ACKR5: variants seen among roughly 807,000 people sequenced by gnomAD.
ACKR5 encodes the protein G protein-coupled receptor 182.
At chr12:56,994,752 G>A in the ACKR5 span, 1 of 172,264 alleles carries the variant, frequency 5.8e-6, no homozygotes, top group East Asian at 1.5e-4. Flanking sequence ...AGATTGTGTG[G>A]TGTGCGTGTG....
At chr12:56,995,076 T>C in the ACKR5 span, 1 of 745,584 alleles carries the variant, frequency 1.3e-6, no homozygotes, top group Admixed American at 2.4e-5. The surrounding 1 kb of genome is among the most constrained non-coding windows in gnomAD (Gnocchi z 4.7). Flanking sequence ...AAACTTCCCT[T>C]TCTTGCCTTA....
chr12:56,995,864 G>A, the ACKR5 span: 1 of 1,612,778 alleles, frequency 6.2e-7, no homozygotes, highest in South Asian at 1.1e-5. The surrounding 1 kb of genome is among the most constrained non-coding windows in gnomAD (Gnocchi z 4.7). Flanking sequence ...CCTGGCGGTG[G>A]CCCTGTCCAC....
the ACKR5 span, chr12:56,996,648 GA>G: frequency 2.3e-5 from 11 of 481,570 alleles, no homozygotes; most frequent in South Asian, 1.6e-4. Flanking sequence ...GAGCAATGCA[GA>G]AAAAAAGGTG....
the ACKR5 span, chr12:56,995,472 T>C: frequency 6.2e-7 from 1 of 1,614,210 alleles, no homozygotes. This position sits in a 1 kb window ranked among gnomAD's most constrained non-coding sequence, Gnocchi z 4.7. Context: ...GCAGGGCTGA[T>C]GAACCTCTAC....
chr12:56,995,954 G>C, the ACKR5 span: 245 of 1,612,218 alleles, frequency 1.5e-4, no homozygotes, highest in Non-Finnish European at 2.0e-4. The surrounding 1 kb of genome is among the most constrained non-coding windows in gnomAD (Gnocchi z 4.7). Flanking sequence ...GCGGCAGCCA[G>C]GACAACCCAA....
At chr12:56,996,497 T>C in the ACKR5 span, 1 of 1,386,568 alleles carries the variant, frequency 7.2e-7, no homozygotes, top group Admixed American at 2.4e-5. Flanking sequence ...TTTGGGGGGA[T>C]GTAGAGGGGA....
the ACKR5 span, chr12:56,996,583 C>T: frequency 1.6e-6 from 1 of 642,466 alleles, no homozygotes; most frequent in Non-Finnish European, 2.7e-6. Context: ...GGATCAGGAG[C>T]GATAGAGAGC....
the ACKR5 span, chr12:56,995,586 G>A: frequency 1.1e-5 from 18 of 1,614,066 alleles, no homozygotes; most frequent in Admixed American, 1.7e-5. The surrounding 1 kb of genome is among the most constrained non-coding windows in gnomAD (Gnocchi z 4.7). Context: ...AGCTTCTCCT[G>A]CCGCTTCACT....
At chr12:56,996,259 C>T in the ACKR5 span, 5 of 1,614,214 alleles carry the variant, frequency 3.1e-6, no homozygotes, top group Non-Finnish European at 4.2e-6. Context: ...GCACATGCGC[C>T]TCCTCTTCCT....
the ACKR5 span, chr12:56,996,441 C>T: frequency 1.9e-6 from 3 of 1,542,708 alleles, no homozygotes; most frequent in Admixed American, 2.0e-5. Context: ...GGCCAGACTC[C>T]TCCAACAGTG....
chr12:56,996,461 G>A, the ACKR5 span: 2 of 1,530,536 alleles, frequency 1.3e-6, no homozygotes, highest in African/African-American at 1.4e-5. Flanking sequence ...GAAGGAAAAG[G>A]CACAGGTGAG....
the ACKR5 span, chr12:56,995,212 G>A: frequency 5.6e-6 from 9 of 1,611,808 alleles, no homozygotes; most frequent in African/African-American, 1.3e-5. The surrounding 1 kb of genome is among the most constrained non-coding windows in gnomAD (Gnocchi z 4.7). Context: ...TGGTCCCAAT[G>A]TCAGTGAAAC....
At chr12:56,996,422 T>C in the ACKR5 span, 1 of 1,573,774 alleles carries the variant, frequency 6.4e-7, no homozygotes. Context: ...TACACCCAGC[T>C]GAGGTAGAGG....
At chr12:56,996,015 T>C in the ACKR5 span, 3 of 1,610,354 alleles carry the variant, frequency 1.9e-6, no homozygotes, top group East Asian at 4.5e-5. Flanking sequence ...GTCTTTGTCA[T>C]GTGCTGGCTG....
At chr12:56,995,698 G>GC in the ACKR5 span, 1 of 1,613,694 alleles carries the variant, frequency 6.2e-7, no homozygotes, top group Non-Finnish European at 8.5e-7. This position sits in a 1 kb window ranked among gnomAD's most constrained non-coding sequence, Gnocchi z 4.7. Flanking sequence ...CCTCCTGGCA[G>GC]CGTTACCAGC....
At chr12:56,995,638 C>T in the ACKR5 span, 1 of 1,614,114 alleles carries the variant, frequency 6.2e-7, no homozygotes, top group South Asian at 1.1e-5. This position sits in a 1 kb window ranked among gnomAD's most constrained non-coding sequence, Gnocchi z 4.7. Flanking sequence ...GCATCTTCTT[C>T]CTGGTGTGCC....
chr12:56,998,618 A>G, the ACKR5 span, among the ~76,000 whole-genome samples: 3 of 152,192 alleles, frequency 2.0e-5, no homozygotes, highest in African/African-American at 7.2e-5. Flanking sequence ...CCTCTCAGGG[A>G]TACCCCCTGA....
chr12:56,995,577 G>C, the ACKR5 span: 2 of 1,614,200 alleles, frequency 1.2e-6, no homozygotes, highest in Non-Finnish European at 1.7e-6. The surrounding 1 kb of genome is among the most constrained non-coding windows in gnomAD (Gnocchi z 4.7). Flanking sequence ...CTCTGGGGCA[G>C]CTTCTCCTGC....
At chr12:56,995,970 G>A in the ACKR5 span, 23 of 1,611,378 alleles carry the variant, frequency 1.4e-5, no homozygotes, top group Non-Finnish European at 1.6e-5. This position sits in a 1 kb window ranked among gnomAD's most constrained non-coding sequence, Gnocchi z 4.7. Context: ...CCCAAGAGCC[G>A]GCGCCACTGC....
Sources: allele counts gnomAD v4.1 joint callset (sites outside exome capture counted in the v4.1 genomes callset), GRCh38; gene constraint gnomAD v4.1.1; non-coding constraint Gnocchi (gnomAD v3.1); transcripts MANE v1.5; gene names NCBI Gene and HGNC (gene_info 2026-07-23, HGNC 2026-07-21).